The following ADGRV1 variants were observed in gnomAD, a reference collection of about 807,000 sequenced individuals.
ADGRV1 encodes G-protein coupled receptor 98.
In ADGRV1, 359 loss-of-function variants were observed where a neutral mutation model predicts 596.2. The observed-to-expected ratio is 0.60, with a 90% CI of 0.55 to 0.66. The LOEUF is 0.66. Ranked by LOEUF, ADGRV1 falls within the 30% of genes least tolerant of loss-of-function variation. The probability of loss-of-function intolerance (pLI) is 0.00; values close to 1 mark genes in which losing one functional copy is unlikely to be tolerated. For missense variants in ADGRV1, 7,274 were observed against 7,575.6 expected, an observed-to-expected ratio of 0.96 and a Z score of 1.48; for synonymous variants, 2,681 against 2,679.2, an observed-to-expected ratio of 1.00 and a Z score of -0.02.
rs1178406520 is a variant in ADGRV1, at chr5:91,074,133, TA to T, written c.18310+1530del. 6.0e-4 allele frequency among the ~76,000 whole-genome samples: 92 copies of T among 152,216 alleles called. 1 individual carries two copies. Among genetic ancestry groups the T allele is most frequent in the Admixed American group, 5.9e-3 (90 of 15,278 alleles). On this transcript the variant is annotated intron_variant, in intron 86 of 89. Coordinates refer to ENST00000405460, the MANE Select transcript of ADGRV1 (RefSeq NM_032119.4). ...TTGTTTTTTCAGTTTTAATACTCTTTATTTTTTAAATTACTTTTTAAAAATG... is the reference window on the plus strand; with the variant it reads ...TTGTTTTTTCAGTTTTAATACTCTTTTTTTTTAAATTACTTTTTAAAAATG...
intron 24 of ADGRV1, among the ~76,000 whole-genome samples, chr5:90,675,720 C>G (rs565279228): frequency 1.3e-5 from 2 of 151,724 alleles, no homozygotes; most frequent in East Asian, 3.9e-4. Context: ...CCTACGAGTT[C>G]AAGGCTATAG....
At chr5:90,846,060 G>A (rs1765849825) in intron 78 of ADGRV1, among the ~76,000 whole-genome samples, 1 of 152,130 alleles carries the variant, frequency 6.6e-6, no homozygotes, top group Non-Finnish European at 1.5e-5. Flanking sequence ...GCTTGGAACT[G>A]TACTAGATTA....
At chr5:90,665,411 G>T (rs1447967410) in intron 21 of ADGRV1, among the ~76,000 whole-genome samples, 2 of 151,916 alleles carry the variant, frequency 1.3e-5, no homozygotes, top group Non-Finnish European at 1.5e-5. Context: ...AGAGGTGTTT[G>T]TAGTATTCTC....
chr5:90,638,696 G>A (rs914553205), intron 11 of ADGRV1, among the ~76,000 whole-genome samples: 2 of 151,898 alleles, frequency 1.3e-5, no homozygotes, highest in Non-Finnish European at 2.9e-5. Flanking sequence ...TGTGACTTGA[G>A]GGCTTTGTGC....
chr5:91,094,762 G>A (rs1318664004), intron 86 of ADGRV1, among the ~76,000 whole-genome samples: 1 of 152,140 alleles, frequency 6.6e-6, no homozygotes, highest in Non-Finnish European at 1.5e-5. Flanking sequence ...ATGAGAAGAG[G>A]GATACTAAAT....
At chr5:90,662,615 T>C (rs1458130967) in intron 21 of ADGRV1, among the ~76,000 whole-genome samples, 3 of 152,110 alleles carry the variant, frequency 2.0e-5, no homozygotes, top group Admixed American at 2.0e-4. Flanking sequence ...TTCTTTTTTT[T>C]CTTTTATTAT....
At chr5:90,770,576 C>T (rs1757585712) in intron 59 of ADGRV1, among the ~76,000 whole-genome samples, 1 of 152,144 alleles carries the variant, frequency 6.6e-6, no homozygotes, top group African/African-American at 2.4e-5. Context: ...ATGGTGTCTA[C>T]ATGTGCATTT....
At position 90,647,397 on chromosome 5, in the gene ADGRV1, C is replaced by T. The variant is rs540145854; in HGVS notation, c.3023-101C>T. The T allele has an allele frequency of 6.5e-6, 8 of 1,225,582 alleles. No individual in the cohort carries two copies. In the African/African-American group the frequency reaches 1.2e-4, roughly 18 times the overall value. The allele number at this position is 1,225,582 out of a possible 1,614,324, so 75.9% of individuals were successfully genotyped here. On this transcript the variant is annotated intron_variant, in intron 16 of 89. Transcript: ENST00000405460. ...TAATTATTTTGGCAAAGACACAGTA[C>T]AAGGCTTCTCTCTTGGAGGGCAGGG...
rs1441569172 is a variant in ADGRV1, at chr5:90,843,072, C to T, written c.17019+2087C>T. ...AAGAAGATTCAATATATGGACACAA[C>T]AGTTTTCTGTAAATTAACCTATAAA... On this transcript the variant is annotated intron_variant, in intron 78 of 89. Transcript: ENST00000405460. Among the ~76,000 whole-genome samples the T allele has an allele frequency of 2.0e-5, 3 of 152,096 alleles. No individual in the cohort carries two copies. In the East Asian group the frequency reaches 5.8e-4, roughly 29 times the overall value.
chr5:90,943,831 T>C (rs1041572782), intron 83 of ADGRV1, among the ~76,000 whole-genome samples: 34 of 152,078 alleles, frequency 2.2e-4, no homozygotes, highest in African/African-American at 7.7e-4. Flanking sequence ...TATAAGAACA[T>C]CAGTCATTGG....
chr5:90,653,317 G>T lies in ADGRV1; in HGVS notation c.3743G>T (p.Cys1248Phe). ...GGAGTTTTTATCTTGGATCCAGAGTGTTTAGAGAGAGAAGTGGCAGAAGAT... is the reference window on the plus strand; with the variant it reads ...GGAGTTTTTATCTTGGATCCAGAGTTTTTAGAGAGAGAAGTGGCAGAAGAT... ...PFGVFILDPE[C>F]LEREVAEDVL... Residue 1248 changes from cysteine (C) to phenylalanine (F), a missense_variant, in exon 20 of 90, where the codon TGT becomes TTT. Physicochemically the swap from Cys to Phe is radical, Grantham distance 205. Transcript: ENST00000405460. 6.2e-7 allele frequency: 1 copy of T among 1,613,950 alleles called. No individual in the cohort carries two copies. The highest frequency in any genetic ancestry group is 1.1e-5 in the South Asian group (1 of 91,078).
At chr5:90,615,896 T>C (rs1170928896) in intron 2 of ADGRV1, among the ~76,000 whole-genome samples, 3 of 152,124 alleles carry the variant, frequency 2.0e-5, no homozygotes, top group Admixed American at 2.0e-4. Context: ...AATTACTTCC[T>C]GATCATTCTT....
chr5:90,862,500 GCA>G (rs1767701040), intron 82 of ADGRV1, among the ~76,000 whole-genome samples: 1 of 152,022 alleles, frequency 6.6e-6, no homozygotes, highest in Non-Finnish European at 1.5e-5. Flanking sequence ...TGAGTTCTGA[GCA>G]TCAACTCCAG....
At chr5:90,704,608 G>T (rs181334363) in intron 36 of ADGRV1, 120 bp downstream of exon 36, 1 of 594,358 alleles carries the variant, frequency 1.7e-6, no homozygotes, top group African/African-American at 1.9e-5. Context: ...ACTTTATTAT[G>T]TGTCCCCTAG....
intron 83 of ADGRV1, among the ~76,000 whole-genome samples, chr5:90,871,740 G>T (rs1768704527): frequency 1.3e-5 from 2 of 152,158 alleles, no homozygotes; most frequent in Admixed American, 6.5e-5. Flanking sequence ...TATGAAAAAA[G>T]TTGTTTTTAT....
chr5:90,643,241 G>C (rs1482360640), intron 13 of ADGRV1, among the ~76,000 whole-genome samples, 200 bp downstream of exon 13: 1 of 152,038 alleles, frequency 6.6e-6, no homozygotes, highest in African/African-American at 2.4e-5. Context: ...GTGTATTTTT[G>C]CTCCACATGA....
At chr5:90,720,287 TA>T in intron 44 of ADGRV1, 64 bp downstream of exon 44, 1 of 1,045,708 alleles carries the variant, frequency 9.6e-7, no homozygotes, top group Non-Finnish European at 1.3e-6. Flanking sequence ...TTTTTTGACA[TA>T]AGAAAATGCA....
intron 1 of ADGRV1, among the ~76,000 whole-genome samples, chr5:90,601,183 G>A (rs532768790): frequency 1.3e-5 from 2 of 151,720 alleles, no homozygotes; most frequent in Non-Finnish European, 2.9e-5. Context: ...GTTGCAGTGA[G>A]CCAAGATCAC....
intron 57 of ADGRV1, 24 bp downstream of exon 57, chr5:90,757,185 G>A: frequency 6.2e-7 from 1 of 1,604,224 alleles, no homozygotes; most frequent in East Asian, 2.2e-5. Flanking sequence ...TAACATATTA[G>A]CCTTTTTGAG....
Sources: allele counts gnomAD v4.1 joint callset (sites outside exome capture counted in the v4.1 genomes callset), GRCh38; gene constraint gnomAD v4.1.1; transcripts MANE v1.5; gene names NCBI Gene and HGNC (gene_info 2026-07-23, HGNC 2026-07-21).